DZANK1: variants seen among roughly 807,000 people sequenced by gnomAD.
DZANK1 encodes the protein double zinc ribbon and ankyrin repeat domains 1.
In DZANK1, 91 loss-of-function variants were observed where a neutral mutation model predicts 94.5. The observed-to-expected ratio is 0.96, with a 90% confidence interval of 0.81 to 1.15. DZANK1 has a LOEUF of 1.15. Among genes scored for constraint, DZANK1 ranks in the 50% most tolerant of loss-of-function variants. The pLI, the probability that DZANK1 is intolerant of heterozygous loss-of-function variation, is 0.00. For missense variants in DZANK1, 903 were observed against 916.4 expected (o/e 0.99, Z 0.19); for synonymous variants, 312 against 325.3 (o/e 0.96, Z 0.44).
exon 7 of DZANK1, chr20:18,449,038 T>C (rs1377540738): frequency 3.7e-6 from 6 of 1,613,908 alleles, no homozygotes; most frequent in African/African-American, 2.7e-5. Context: ...TGTCAAACAC[T>C]TCTGACCGCT....
chr20:18,414,297 G>A, intron 12 of DZANK1, 51 bp downstream of exon 12: 1 of 1,600,056 alleles, frequency 6.2e-7, no homozygotes, highest in Non-Finnish European at 8.5e-7. Context: ...CACACATTCA[G>A]AGTTACAGCC....
chr20:18,392,003 G>A (rs1365914347), intron 17 of DZANK1, among the ~76,000 whole-genome samples: 1 of 152,174 alleles, frequency 6.6e-6, no homozygotes, highest in Non-Finnish European at 1.5e-5. Context: ...AGACCTTTAC[G>A]TCTTTTGTTT....
intron 8 of DZANK1, among the ~76,000 whole-genome samples, chr20:18,440,004 C>T (rs2058669857): frequency 6.6e-6 from 1 of 151,972 alleles, no homozygotes. Flanking sequence ...GGACTTTGAT[C>T]CAATATGACT....
At chr20:18,466,290 A>T (rs1236563722) in intron 1 of DZANK1, among the ~76,000 whole-genome samples, 4 of 152,098 alleles carry the variant, frequency 2.6e-5, no homozygotes, top group Non-Finnish European at 5.9e-5. Context: ...GTACTTATTT[A>T]TCCATTTGTG....
At position 18,447,587 on chromosome 20, in the gene DZANK1, CA is replaced by C. The variant is rs570379424; in HGVS notation, c.629+1396del. ...AGGTGATCCGCCCACCTCAGCCTCC[CA>C]AAGTGCTGTGATTACAGGTGTGAGC... On this transcript the variant is annotated intron_variant, in intron 7 of 20. Coordinates refer to ENST00000262547, the Ensembl canonical transcript of DZANK1. Among the ~76,000 whole-genome samples the C allele has an allele frequency of 4.0e-3, 613 of 152,148 alleles. 4 individuals carry two copies. The highest frequency in any genetic ancestry group is 0.014 in the African/African-American group (594 of 41,512).
intron 14 of DZANK1, 163 bp downstream of exon 14, chr20:18,398,360 T>C: frequency 1.6e-6 from 1 of 619,846 alleles, no homozygotes; most frequent in East Asian, 2.7e-5. Flanking sequence ...TGCAAGTGAT[T>C]TATTAGAGCA....
At chr20:18,437,349 C>T (rs1014009814) in intron 8 of DZANK1, among the ~76,000 whole-genome samples, 6 of 152,136 alleles carry the variant, frequency 3.9e-5, no homozygotes, top group African/African-American at 1.2e-4. Context: ...GAGGCCAAGG[C>T]AGGCGGATCA....
rs199941112 is a variant in DZANK1, at chr20:18,412,521, AG to A, written c.1432+124del. 2,027 of 991,218 alleles carry A rather than the reference AG, an allele frequency of 2.0e-3. 22 individuals are homozygous for A. The African/African-American group carries it at 0.029, about 14-fold the overall frequency. 61.4% of individuals were successfully genotyped at this position (991,218 alleles called of 1,614,324 possible). Reference sequence around the variant, plus strand: ...ATACAAAGAAAATTACTTGAAAAAGAGGAAAAGAAAGAAACTTACTTCTTAC... The same window carrying A: ...ATACAAAGAAAATTACTTGAAAAAGAGAAAAGAAAGAAACTTACTTCTTAC... On this transcript the variant is annotated intron_variant, in intron 13 of 20. Coordinates refer to ENST00000262547, the Ensembl canonical transcript of DZANK1.
intron 13 of DZANK1, among the ~76,000 whole-genome samples, chr20:18,408,621 C>T (rs754101118): frequency 2.6e-5 from 4 of 151,938 alleles, no homozygotes; most frequent in Non-Finnish European, 4.4e-5. Flanking sequence ...ATTTAAAATG[C>T]TGAAAAAAAT....
chr20:18,454,923 G>C lies in DZANK1; in HGVS notation c.378+324C>G, dbSNP rs1405393144. 2.0e-5 allele frequency among the ~76,000 whole-genome samples: 3 copies of C among 152,208 alleles called. No homozygotes were observed. In the East Asian group the frequency reaches 5.8e-4, roughly 29 times the overall value. On this transcript the variant is annotated intron_variant, in intron 4 of 20. Coordinates refer to ENST00000262547, the Ensembl canonical transcript of DZANK1. ...GTATATGTAGGGGGTTGACAGACCA[G>C]GAAAAGCTGACCAAGGGCAGAAACT...
At chr20:18,425,421 T>A (rs972652049) in intron 10 of DZANK1, among the ~76,000 whole-genome samples, 2 of 151,874 alleles carry the variant, frequency 1.3e-5, no homozygotes, top group African/African-American at 4.8e-5. Context: ...CGTGATGGCA[T>A]GTGCCTGTAA....
intron 10 of DZANK1, among the ~76,000 whole-genome samples, chr20:18,424,457 TAAC>T (rs1182804192): frequency 1.0e-5 from 1 of 95,354 alleles, no homozygotes; most frequent in African/African-American, 4.2e-5. Context: ...TCCGTCTCAA[TAAC>T]AACAACAACA....
At chr20:18,424,497 A>G (rs956742137) in intron 10 of DZANK1, among the ~76,000 whole-genome samples, 1 of 152,058 alleles carries the variant, frequency 6.6e-6, no homozygotes, top group African/African-American at 2.4e-5. Flanking sequence ...AAAGAAAAGA[A>G]AAAAATGACA....
At chr20:18,389,733 C>A (rs758696770) in exon 19 of DZANK1, 1 of 1,613,878 alleles carries the variant, frequency 6.2e-7, no homozygotes, top group Non-Finnish European at 8.5e-7. Context: ...CTGCTCCTCT[C>A]TGCACGAGAA....
Position 18,385,022 on chromosome 20 carries a change from A to C in DZANK1, c.2087T>G (p.Leu696Ter), listed in dbSNP as rs753030571. The C allele has an allele frequency of 3.9e-6, 6 of 1,552,628 alleles. No homozygotes were observed. Among genetic ancestry groups the C allele is most frequent in the Non-Finnish European group, 5.2e-6 (6 of 1,147,582 alleles). Residue 696 changes from leucine (L) to a stop codon, truncating the protein, a stop_gained, in exon 20 of 21, where the codon TTA (leucine) becomes TGA (stop). Transcript: ENST00000262547. LOFTEE classifies it high-confidence loss of function. ...CAGAGGCCAGGGGACATACCCCAGT[A>C]AAGTGGCGGTGCTCTCTCTTCCTGC...
At chr20:18,397,355 G>A (rs1006802440) in intron 14 of DZANK1, among the ~76,000 whole-genome samples, 8 of 152,146 alleles carry the variant, frequency 5.3e-5, no homozygotes, top group Non-Finnish European at 1.2e-4. Flanking sequence ...CTAGTCTTGC[G>A]ACAAACAGAG....
chr20:18,425,941 C>A (rs1440781938), intron 10 of DZANK1, among the ~76,000 whole-genome samples: 20 of 152,296 alleles, frequency 1.3e-4, no homozygotes, highest in Non-Finnish European at 5.9e-5. Context: ...GCCCTGCCAA[C>A]ACCTTGATTT....
chr20:18,421,478 G>A (rs2057775223), intron 10 of DZANK1: 1 of 152,684 alleles, frequency 6.5e-6, no homozygotes, highest in Non-Finnish European at 1.5e-5. Flanking sequence ...CAGGGACTTT[G>A]CTTGGTTAAG....
chr20:18,425,771 G>A (rs945531175), intron 10 of DZANK1, among the ~76,000 whole-genome samples: 11 of 152,302 alleles, frequency 7.2e-5, no homozygotes, highest in Non-Finnish European at 1.3e-4. Flanking sequence ...TCTGGACACA[G>A]TGGCATACAC....
Sources: gnomAD v4.1 joint callset for allele counts (sites outside exome capture counted in the v4.1 genomes callset) on GRCh38, gnomAD v4.1.1 for gene constraint, MANE v1.5 for transcripts, NCBI Gene and HGNC (gene_info 2026-07-23, HGNC 2026-07-21) for gene names.